Variants in PITPNM2 observed in about 807,000 individuals in gnomAD.
PITPNM2 encodes membrane-associated phosphatidylinositol transfer protein 2.
In PITPNM2, 35 loss-of-function variants were observed where a neutral mutation model predicts 132.2. That is an observed-to-expected ratio of 0.26 (90% CI 0.20 to 0.35). The LOEUF is 0.35. PITPNM2 is among the 10% of genes least tolerant of loss of function. The probability of loss-of-function intolerance (pLI) is 1.00; values close to 1 mark genes in which losing one functional copy is unlikely to be tolerated. For synonymous variants in PITPNM2, 738 were observed against 799.2 expected (o/e 0.92, Z 1.29); for missense variants, 1,332 against 1,912.0 (o/e 0.70, Z 5.66).
rs898815580 is a variant in PITPNM2 at position 123,000,351 on chromosome 12, G to A, written c.1224+427C>T. On this transcript the variant is annotated intron_variant, in intron 10 of 25. Transcript: ENST00000320201. This position sits in a 1 kb window ranked among gnomAD's most constrained non-coding sequence, Gnocchi z 5.4. ...ACACACTGAGCTCCGCCTGCCTCCC[G>A]CGGGGCCATCTTGTCGGCCACGGCC... 5.7e-6 allele frequency: 4 copies of A among 698,058 alleles called. No individual in the cohort carries two copies. The highest frequency in any genetic ancestry group is 2.7e-5 in the East Asian group (1 of 37,216). 43.2% of individuals were successfully genotyped at this position (698,058 alleles called of 1,614,324 possible).
rs561648121 is a variant in PITPNM2 at position 122,995,574 on chromosome 12, G to A, written c.1869C>T (p.Ser623=). Residue 623 remains serine, a synonymous_variant, in exon 14 of 26, where the codon AGC becomes AGT. Transcript: ENST00000320201. ...GGGGGGGGGG[S]SGGGGSSGGS... Reference sequence around the variant, plus strand: ...CACCACTACTGCCACCACCACCACTGCTGCCACCACCGCCACCGCCGCCAC... The same window carrying A: ...CACCACTACTGCCACCACCACCACTACTGCCACCACCGCCACCGCCGCCAC... 1,643 of 1,606,518 alleles carry A rather than the reference G, an allele frequency of 1.0e-3. 33 individuals are homozygous for A. In the South Asian group the frequency reaches 0.017, roughly 17 times the overall value.
At chr12:123,041,596 T>C (rs1243730789) in intron 2 of PITPNM2, among the ~76,000 whole-genome samples, 4 of 152,174 alleles carry the variant, frequency 2.6e-5, no homozygotes. Flanking sequence ...GACAATTTCA[T>C]TACACCCAGT....
At chr12:123,119,771 A>T (rs2042999278) in intron 1 of PITPNM2, among the ~76,000 whole-genome samples, 1 of 150,508 alleles carries the variant, frequency 6.6e-6, no homozygotes, top group Non-Finnish European at 1.5e-5. Flanking sequence ...TCAATGCTAA[A>T]TATTTCTTCT....
At chr12:123,025,052 C>T (rs2039807649) in intron 3 of PITPNM2, among the ~76,000 whole-genome samples, 2 of 152,208 alleles carry the variant, frequency 1.3e-5, no homozygotes, top group South Asian at 2.1e-4. Flanking sequence ...ATCTCTCTGC[C>T]ATGAATGTCC....
At chr12:123,076,236 C>T (rs1192262697) in intron 2 of PITPNM2, 1 of 152,220 alleles carries the variant, frequency 6.6e-6, no homozygotes, top group African/African-American at 2.4e-5. Context: ...CTGGGTGATT[C>T]TCCAGCCCCA....
Position 122,986,268 on chromosome 12 carries a change from C to A in PITPNM2, c.3809G>T (p.Arg1270Leu). ...GAAGCTGCCCTTGCGCAGCGCCATG[C>A]GGGTGGCCGTGTTGCGAGCGGGCCG... ...RARPARNTAT[R>L]MALRKGSFGL... Residue 1270 changes from arginine to leucine, a missense_variant, in exon 26 of 26, where the codon CGC (arginine) becomes CTC (leucine). Arg to Leu is a moderately radical substitution (Grantham distance 102, BLOSUM62 -2). Coordinates refer to ENST00000320201, the MANE Select transcript of PITPNM2 (RefSeq NM_020845.3). 1 of 1,581,966 alleles carries A rather than the reference C, an allele frequency of 6.3e-7. No individual in the cohort carries two copies.
At chr12:123,056,510 A>G (rs1284647373) in intron 2 of PITPNM2, among the ~76,000 whole-genome samples, 1 of 152,160 alleles carries the variant, frequency 6.6e-6, no homozygotes, top group Non-Finnish European at 1.5e-5. Flanking sequence ...CACTGCCTTC[A>G]TGGGCCTGGG....
At chr12:123,032,881 G>A (rs1404657596) in intron 3 of PITPNM2, among the ~76,000 whole-genome samples, 3 of 152,178 alleles carry the variant, frequency 2.0e-5, no homozygotes, top group East Asian at 1.9e-4. Flanking sequence ...ACAGCCCCCC[G>A]GAGAGGCTGG....
chr12:123,093,309 A>C (rs2042318304), intron 2 of PITPNM2, among the ~76,000 whole-genome samples: 1 of 152,202 alleles, frequency 6.6e-6, no homozygotes, highest in African/African-American at 2.4e-5. Context: ...ATTTTTACAC[A>C]TTGTAAGAGA....
rs1027001287 is a variant in PITPNM2 at position 123,106,705 on chromosome 12, C to T, written c.-96+3680G>A. Reference sequence around the variant, plus strand: ...AGATTGTGCCCAGATCTCTACCAAGCTCTGTGGGGACAGCAAAGGAGCTGA... The same window carrying T: ...AGATTGTGCCCAGATCTCTACCAAGTTCTGTGGGGACAGCAAAGGAGCTGA... On this transcript the variant is annotated intron_variant, in intron 2 of 25. Transcript: ENST00000320201. This position sits in a 1 kb window ranked among gnomAD's most constrained non-coding sequence, Gnocchi z 4.4. 6.6e-6 allele frequency among the ~76,000 whole-genome samples: 1 copy of T among 152,214 alleles called. No homozygotes were observed. Among genetic ancestry groups the T allele is most frequent in the Non-Finnish European group, 1.5e-5 (1 of 68,038 alleles).
At chr12:122,988,410 GGGA>G in intron 19 of PITPNM2, 60 bp from the exon 20 acceptor site, 3 of 1,411,034 alleles carry the variant, frequency 2.1e-6, no homozygotes, top group South Asian at 2.3e-5. Flanking sequence ...TTCCTGCCCT[GGGA>G]GGAGGAGGCC....
At position 122,987,438 on chromosome 12, in the gene PITPNM2, G is replaced by A. The variant is rs761666673; in HGVS notation, c.3264-8C>T. The A allele has an allele frequency of 6.2e-7, 1 of 1,613,608 alleles. No individual in the cohort carries two copies. The highest frequency in any genetic ancestry group is 8.5e-7 in the Non-Finnish European group (1 of 1,179,784). On this transcript the variant is annotated splice_polypyrimidine_tract_variant and splice_region_variant and intron_variant, in intron 22 of 25. Coordinates refer to ENST00000320201, the MANE Select transcript of PITPNM2 (RefSeq NM_020845.3). ...GCAAACGTGTGGTCTCCCCTGGCAGGTGGTGGGGGTGCTCATCAGAACCAC... is the reference window on the plus strand; with the variant it reads ...GCAAACGTGTGGTCTCCCCTGGCAGATGGTGGGGGTGCTCATCAGAACCAC...
intron 1 of PITPNM2, among the ~76,000 whole-genome samples, chr12:123,143,424 A>T (rs1797697550): frequency 6.6e-6 from 1 of 152,176 alleles, no homozygotes; most frequent in Admixed American, 6.5e-5. Flanking sequence ...ACCTCTCAAA[A>T]GGGGAAATAA....
intron 1 of PITPNM2, among the ~76,000 whole-genome samples, chr12:123,146,051 AAGAAC>A (rs2043609609): frequency 6.6e-6 from 1 of 152,198 alleles, no homozygotes. Flanking sequence ...AAACTAATGA[AAGAAC>A]AGAAAACCAA....
At chr12:123,127,653 A>C (rs1593029831) in intron 1 of PITPNM2, among the ~76,000 whole-genome samples, 2 of 139,164 alleles carry the variant, frequency 1.4e-5, no homozygotes, top group Non-Finnish European at 3.0e-5. Flanking sequence ...TCTGTCGCCC[A>C]GGCTGGAGTG....
rs1266733144 is a variant in PITPNM2 at position 122,994,749 on chromosome 12, G to A, written c.2233+52C>T. 4.6e-6 allele frequency: 7 copies of A among 1,510,426 alleles called. No homozygotes were observed. Among genetic ancestry groups the A allele is most frequent in the African/African-American group, 2.8e-5 (2 of 72,650 alleles). 93.6% of individuals were successfully genotyped at this position (1,510,426 alleles called of 1,614,324 possible). ...ATCACAGGGGTCCACTGAGACCCCC[G>A]CCCCCGCACCCAGTGCATGTACCCC... On this transcript the variant is annotated intron_variant, in intron 15 of 25. Coordinates refer to ENST00000320201, the MANE Select transcript of PITPNM2 (RefSeq NM_020845.3). This position sits in a 1 kb window ranked among gnomAD's most constrained non-coding sequence, Gnocchi z 5.4.
intron 1 of PITPNM2, among the ~76,000 whole-genome samples, chr12:123,143,021 C>G (rs954673356): frequency 6.6e-6 from 1 of 152,232 alleles, no homozygotes; most frequent in Non-Finnish European, 1.5e-5. Flanking sequence ...AAGCACGCAT[C>G]CACACCTGTG....
Position 123,023,251 on chromosome 12 carries a change from T to C in PITPNM2, c.79-9209A>G, listed in dbSNP as rs1175392428. Among the ~76,000 whole-genome samples, 5 of 152,190 alleles carry C rather than the reference T, an allele frequency of 3.3e-5. No individual in the cohort carries two copies. The highest frequency in any genetic ancestry group is 7.2e-5 in the African/African-American group (3 of 41,440). ...GCTGTGCTCCCTGTGAGGGGCTCAC[T>C]GAAGCTGCCACTCAGAATGTCAGTG... On this transcript the variant is annotated intron_variant, in intron 3 of 25. Transcript: ENST00000320201. The surrounding 1 kb of genome is among the most constrained non-coding windows in gnomAD (Gnocchi z 4.8).
chr12:122,992,142 C>T lies in PITPNM2; in HGVS notation c.2404+357G>A, dbSNP rs1426815100. 6.6e-6 allele frequency among the ~76,000 whole-genome samples: 1 copy of T among 152,170 alleles called. No homozygotes were observed. Among genetic ancestry groups the T allele is most frequent in the African/African-American group, 2.4e-5 (1 of 41,444 alleles). On this transcript the variant is annotated intron_variant, in intron 16 of 25. Transcript: ENST00000320201. This position sits in a 1 kb window ranked among gnomAD's most constrained non-coding sequence, Gnocchi z 6.5. ...GGACCCAGCCGACCCAGGCCCCCTA[C>T]TAAGTGAGGGTCCCTGCTGGGTCCT...
Sources: allele counts gnomAD v4.1 joint callset (sites outside exome capture counted in the v4.1 genomes callset), GRCh38; gene constraint gnomAD v4.1.1; non-coding constraint Gnocchi (gnomAD v3.1); transcripts MANE v1.5; gene names NCBI Gene and HGNC (gene_info 2026-07-23, HGNC 2026-07-21).